The following LGI2 variants were observed in gnomAD, a reference collection of about 807,000 sequenced individuals.
LGI2 encodes the protein leucine-rich repeat LGI family member 2.
LGI2 carries 30 observed loss-of-function variants against 52.0 expected under a neutral mutation model. The observed-to-expected ratio is 0.58, with a 90% CI of 0.43 to 0.78. LGI2 has a LOEUF of 0.78. Among genes scored for constraint, LGI2 ranks in the 30% least tolerant of loss-of-function variants. The pLI is 0.00. For missense variants in LGI2, 573 were observed against 692.5 expected (o/e 0.83, Z 1.94); for synonymous variants, 270 against 271.8 (o/e 0.99, Z 0.06).
At chr4:25,021,657 C>A (rs761959930) in intron 4 of LGI2, among the ~76,000 whole-genome samples, 1 of 152,088 alleles carries the variant, frequency 6.6e-6, no homozygotes, top group African/African-American at 2.4e-5. Context: ...CCTGGCCGGG[C>A]GCGGTGGCTC....
At chr4:25,030,021 A>T (rs1726276614) in intron 1 of LGI2, among the ~76,000 whole-genome samples, 1 of 152,168 alleles carries the variant, frequency 6.6e-6, no homozygotes, top group South Asian at 2.1e-4. Context: ...CACCCTGCCC[A>T]GTTTGCACTC....
At chr4:25,016,482 G>A (rs1369314089) in intron 6 of LGI2, among the ~76,000 whole-genome samples, 2 of 152,136 alleles carry the variant, frequency 1.3e-5, no homozygotes, top group East Asian at 1.9e-4. Flanking sequence ...TATCGACTAC[G>A]ACCTCTGATT....
At chr4:25,024,328 A>G (rs1726071342) in intron 4 of LGI2, among the ~76,000 whole-genome samples, 2 of 152,222 alleles carry the variant, frequency 1.3e-5, no homozygotes, top group South Asian at 4.1e-4. Context: ...AGCCTGGCCA[A>G]CATAGTGAGG....
intron 4 of LGI2, among the ~76,000 whole-genome samples, chr4:25,022,260 G>A (rs1468260210): frequency 2.0e-5 from 3 of 152,328 alleles, no homozygotes; most frequent in Non-Finnish European, 4.4e-5. Context: ...CTTAACTGGG[G>A]AGATAGAACT....
At chr4:25,030,211 T>C (rs1211134098) in intron 1 of LGI2, among the ~76,000 whole-genome samples, 6 of 152,196 alleles carry the variant, frequency 3.9e-5, no homozygotes, top group Admixed American at 3.9e-4. Context: ...AGCTGGATTC[T>C]GCATTGGCAC....
intron 3 of LGI2, among the ~76,000 whole-genome samples, chr4:25,025,275 C>T (rs1028453395): frequency 1.3e-5 from 2 of 152,236 alleles, no homozygotes; most frequent in African/African-American, 4.8e-5. Context: ...CGGTGCCTGG[C>T]TATTCATACT....
Position 25,030,616 on chromosome 4 carries a change from C to G in LGI2, c.78G>C (p.Arg26=). 6.4e-7 allele frequency: 1 copy of G among 1,558,606 alleles called. No homozygotes were observed. The highest frequency in any genetic ancestry group is 8.7e-7 in the Non-Finnish European group (1 of 1,152,842). The change falls in exon 1 of 8, where the codon CGG becomes CGC. Residue 26 remains arginine, a synonymous_variant. Transcript: ENST00000382114. ...GCGCCAGCCGCCTCACCTGCGCGCTCCGCGGTATCAGGCACGCGGCGCCCA... is the reference window on the plus strand; with the variant it reads ...GCGCCAGCCGCCTCACCTGCGCGCTGCGCGGTATCAGGCACGCGGCGCCCA... ...LLLGAACLIP[R]SAQVRRLARC...
chr4:25,003,914 C>A lies in LGI2; in HGVS notation c.1175G>T (p.Arg392Leu). ...CTGGAGGATGATGGGGACCTGGGAG[C>A]GGCTGGACAGGATGAGATGCGATTT... ...DGKSHLILSSRSQVPIILQWN... is the reference protein window; with the variant it reads ...DGKSHLILSSLSQVPIILQWN... Residue 392 changes from arginine (R) to leucine (L), a missense_variant, in exon 8 of 8, where the codon CGC (arginine) becomes CTC (leucine). By Grantham distance (102) the Arg-to-Leu change is moderately radical. Transcript: ENST00000382114. 1 of 1,614,126 alleles carries A rather than the reference C, an allele frequency of 6.2e-7. No individual in the cohort carries two copies. Among genetic ancestry groups the A allele is most frequent in the Non-Finnish European group, 8.5e-7 (1 of 1,180,020 alleles).
Position 24,999,555 on chromosome 4 carries a change from G to A in LGI2, c.*3896C>T, listed in dbSNP as rs933171436. 2 of 230,466 alleles carry A rather than the reference G, an allele frequency of 8.7e-6. No individual in the cohort carries two copies. The highest frequency in any genetic ancestry group is 2.3e-5 in the African/African-American group (1 of 43,204). The allele number at this position is 230,466 out of a possible 1,614,324, so 14.3% of individuals were successfully genotyped here. A position where few individuals can be genotyped will look rare whatever the true frequency, so the allele number is the denominator to read the frequency against. On this transcript the variant is annotated 3_prime_UTR_variant, in exon 8 of 8. Coordinates refer to ENST00000382114, the MANE Select transcript of LGI2 (RefSeq NM_018176.4). ...CTGCCTAATTAAAGAACTTCCTTCCGCAGCTGCGAAGGAGAGGCTGATACC... is the reference window on the plus strand; with the variant it reads ...CTGCCTAATTAAAGAACTTCCTTCCACAGCTGCGAAGGAGAGGCTGATACC...
chr4:25,009,069 G>C (rs1272350060), intron 7 of LGI2, among the ~76,000 whole-genome samples: 4 of 152,192 alleles, frequency 2.6e-5, no homozygotes, highest in Non-Finnish European at 4.4e-5. Context: ...TGACCCGGTA[G>C]CTGGACACAA....
At chr4:25,024,972 T>A in intron 3 of LGI2, 81 bp from the exon 4 acceptor site, 1 of 910,172 alleles carries the variant, frequency 1.1e-6, no homozygotes, top group South Asian at 1.7e-5. Context: ...GCTTTCAGAA[T>A]AAAATCTAAA....
chr4:25,018,821 C>T lies in LGI2; in HGVS notation c.485+346G>A, dbSNP rs112161150. On this transcript the variant is annotated intron_variant, in intron 5 of 7. Transcript: ENST00000382114. ...AGGTTGTAATGAGTGGAGATCATACCATTTCACTCTAGCCTGGGCAACAGA... is the reference window on the plus strand; with the variant it reads ...AGGTTGTAATGAGTGGAGATCATACTATTTCACTCTAGCCTGGGCAACAGA... Among the ~76,000 whole-genome samples the T allele has an allele frequency of 4.7e-3, 720 of 151,762 alleles. 12 individuals carry two copies. The highest frequency in any genetic ancestry group is 0.045 in the East Asian group (235 of 5,166).
At chr4:25,006,438 A>G (rs1024538512) in intron 7 of LGI2, among the ~76,000 whole-genome samples, 1 of 152,200 alleles carries the variant, frequency 6.6e-6, no homozygotes, top group Non-Finnish European at 1.5e-5. Flanking sequence ...GGATGATTCC[A>G]TTTCTATCCT....
Position 25,030,520 on chromosome 4 carries a change from G to T in LGI2, c.174C>A (p.Ile58=), listed in dbSNP as rs531671519. 1.2e-5 allele frequency: 19 copies of T among 1,594,786 alleles called. No homozygotes were observed. Among genetic ancestry groups the T allele is most frequent in the Non-Finnish European group, 1.5e-5 (17 of 1,172,416 alleles). The change falls in exon 1 of 8, where the codon ATC becomes ATA. Residue 58 remains isoleucine (I), a synonymous_variant. Transcript: ENST00000382114. ...ACAGGGAGCTGATGTCGCCCGGCAC[G>T]ATCCTGGGCACCCAGGAAGAGCCCA... ...ICVGSSWVPR[I]VPGDISSLSL...
chr4:25,024,756 G>A (rs1443352756), intron 4 of LGI2, 64 bp downstream of exon 4: 1 of 1,085,346 alleles, frequency 9.2e-7, no homozygotes, highest in Non-Finnish European at 1.4e-6. Context: ...GAAACAGAGA[G>A]GCTCCAGGAA....
At chr4:25,010,934 T>G (rs1020479805) in intron 7 of LGI2, among the ~76,000 whole-genome samples, 2 of 151,574 alleles carry the variant, frequency 1.3e-5, no homozygotes, top group East Asian at 3.9e-4. Flanking sequence ...AACAAAAAAT[T>G]AGCTGGGTGC....
chr4:25,010,785 T>C (rs1725556566), intron 7 of LGI2, among the ~76,000 whole-genome samples: 1 of 152,176 alleles, frequency 6.6e-6, no homozygotes, highest in South Asian at 2.1e-4. Flanking sequence ...TTGGAACTTG[T>C]TCAAGAGCAA....
intron 2 of LGI2, 145 bp downstream of exon 2, chr4:25,028,362 G>C (rs1432732328): frequency 9.0e-6 from 6 of 666,248 alleles, no homozygotes; most frequent in East Asian, 8.4e-5. Flanking sequence ...GACATCACAG[G>C]GTAAATTAAC....
At chr4:24,998,074 C>T (rs1350717178), downstream of LGI2, among the ~76,000 whole-genome samples, 3 of 152,006 alleles carry the variant, frequency 2.0e-5, no homozygotes, top group African/African-American at 7.2e-5. Context: ...TGGAGTCTCA[C>T]TTTGTGGCCC....
Sources: gnomAD v4.1 joint callset for allele counts (sites outside exome capture counted in the v4.1 genomes callset) on GRCh38, gnomAD v4.1.1 for gene constraint, MANE v1.5 for transcripts, NCBI Gene and HGNC (gene_info 2026-07-23, HGNC 2026-07-21) for gene names.